The following TENM1 variants were observed in gnomAD, a reference collection of about 807,000 sequenced individuals.
The protein encoded by TENM1 is teneurin transmembrane protein 1, also known as teneurin-1.
TENM1 carries 35 observed loss-of-function variants against 174.8 expected under a neutral mutation model. The ratio of observed to expected loss-of-function variants is 0.20; its 90% CI spans 0.15 to 0.27. The LOEUF (loss-of-function observed/expected upper bound fraction) is 0.27, where lower values mean the gene tolerates loss of function less well. Ranked by LOEUF, TENM1 falls within the 10% of genes least tolerant of loss-of-function variation. The pLI, the probability that TENM1 is intolerant of heterozygous loss-of-function variation, is 1.00. For synonymous variants in TENM1, 781 were observed against 798.7 expected (o/e 0.98, Z 0.37); for missense variants, 1,633 against 2,130.1 (o/e 0.77, Z 4.59).
chrX:124,607,766 G>C (rs2050193913), intron 11 of TENM1, among the ~76,000 whole-genome samples: 1 of 111,074 alleles, frequency 9.0e-6, no homozygotes, highest in Non-Finnish European at 1.9e-5. Context: ...ATAGACTCTA[G>C]GGGGAAAAGA....
the TENM1 span, among the ~76,000 whole-genome samples, chrX:124,988,574 C>A: frequency 2.7e-5 from 3 of 110,884 alleles, no homozygotes; most frequent in South Asian, 7.5e-4. Flanking sequence ...ACCCTGATAC[C>A]CAAATTTAAC....
intron 3 of TENM1, among the ~76,000 whole-genome samples, chrX:124,856,121 G>A (rs184050803): frequency 2.7e-5 from 3 of 110,422 alleles, no homozygotes; most frequent in Non-Finnish European, 3.8e-5. Context: ...TTTCAATTCC[G>A]ACTGCCAATT....
chrX:124,719,080 T>C (rs1174496499), intron 4 of TENM1, among the ~76,000 whole-genome samples: 1 of 111,463 alleles, frequency 9.0e-6, no homozygotes, highest in Non-Finnish European at 1.9e-5. Context: ...TTGTCTAAAC[T>C]CTTCATCCAA....
chrX:124,662,033 C>G (rs934732394), intron 6 of TENM1, among the ~76,000 whole-genome samples: 7 of 111,059 alleles, frequency 6.3e-5, no homozygotes, highest in African/African-American at 2.3e-4. Flanking sequence ...ATTTGATGTC[C>G]CAGTTTATCT....
At chrX:124,403,377 G>T (rs746480576) in intron 27 of TENM1, among the ~76,000 whole-genome samples, 1 of 109,326 alleles carries the variant, frequency 9.1e-6, no homozygotes, top group African/African-American at 3.3e-5. Flanking sequence ...AAAAGTAGCC[G>T]GGTGTGGTGG....
chrX:124,601,481 G>A (rs951126266), intron 11 of TENM1, among the ~76,000 whole-genome samples: 1 of 111,274 alleles, frequency 9.0e-6, no homozygotes, highest in Admixed American at 9.6e-5. Context: ...GAGTTCTCAT[G>A]TGATGGTTAT....
chrX:124,843,464 G>A (rs935018726), intron 3 of TENM1, among the ~76,000 whole-genome samples: 2 of 110,549 alleles, frequency 1.8e-5, no homozygotes, highest in Non-Finnish European at 3.8e-5. Context: ...AACTACAGCT[G>A]ATTCCCGTTG....
At chrX:125,073,725 G>A in the TENM1 span, among the ~76,000 whole-genome samples, 1 of 110,937 alleles carries the variant, frequency 9.0e-6, no homozygotes, top group Non-Finnish European at 1.9e-5. Flanking sequence ...GTCTGCCAAG[G>A]TTCCTGTCCA....
chrX:124,721,296 A>T (rs764616004), intron 4 of TENM1, among the ~76,000 whole-genome samples: 1 of 111,647 alleles, frequency 9.0e-6, no homozygotes, highest in African/African-American at 3.3e-5. Flanking sequence ...TACCTAGAAC[A>T]CTTTACAATA....
At chrX:124,463,494 C>T (rs767003718) in intron 22 of TENM1, among the ~76,000 whole-genome samples, 1 of 111,502 alleles carries the variant, frequency 9.0e-6, no homozygotes, top group Non-Finnish European at 1.9e-5. Context: ...TTAGGCTTTT[C>T]TGTGTTCTGT....
the TENM1 span, among the ~76,000 whole-genome samples, chrX:125,029,800 T>C: frequency 9.0e-6 from 1 of 111,350 alleles, no homozygotes; most frequent in South Asian, 3.8e-4. Flanking sequence ...CTATGGCCTA[T>C]GCAAAAAGCC....
chrX:125,160,099 C>T, the TENM1 span, among the ~76,000 whole-genome samples: 2 of 107,693 alleles, frequency 1.9e-5, no homozygotes, highest in South Asian at 8.3e-4. Flanking sequence ...ACTCGGGAGG[C>T]TGAGGCAGGA....
At chrX:124,829,283 G>C (rs754075433) in intron 3 of TENM1, among the ~76,000 whole-genome samples, 2 of 112,105 alleles carry the variant, frequency 1.8e-5, no homozygotes, top group East Asian at 5.6e-4. Flanking sequence ...ATGGTTTTCT[G>C]CAAGATGTAT....
In TENM1 at chrX:124,747,186, TA is replaced by T. The variant is rs758643714; in HGVS notation, c.536-9990del. Among the ~76,000 whole-genome samples the T allele has an allele frequency of 3.6e-3, 381 of 105,814 alleles. 2 individuals carry two copies. Among genetic ancestry groups the T allele is most frequent in the Non-Finnish European group, 5.9e-3 (303 of 51,635 alleles). 91.9% of individuals were successfully genotyped at this position (105,814 alleles called of 115,157 possible). On this transcript the variant is annotated intron_variant, in intron 3 of 31. Transcript: ENST00000422452. ...AAATAAATAAATAAATAAATAAAATTAAAAAAAATAAAAACGCAAATTAGTG... is the reference window on the plus strand; with the variant it reads ...AAATAAATAAATAAATAAATAAAATTAAAAAAATAAAAACGCAAATTAGTG...
At chrX:124,695,194 A>G (rs912234643) in intron 5 of TENM1, among the ~76,000 whole-genome samples, 1 of 111,048 alleles carries the variant, frequency 9.0e-6, no homozygotes, top group Admixed American at 9.6e-5. Context: ...TCATGGTCCT[A>G]TTTAGCCCCA....
intron 1 of TENM1, among the ~76,000 whole-genome samples, chrX:124,963,265 G>A (rs770267260): frequency 8.9e-6 from 1 of 112,198 alleles, no homozygotes; most frequent in South Asian, 3.7e-4. Context: ...TTATCCTTCA[G>A]TCTATAAATG....
At chrX:125,071,213 C>G in the TENM1 span, among the ~76,000 whole-genome samples, 1 of 111,826 alleles carries the variant, frequency 8.9e-6, no homozygotes, top group Non-Finnish European at 1.9e-5. Context: ...ATTTTATGTA[C>G]AGTAAAACCT....
chrX:124,468,344 T>A (rs1208024081), intron 22 of TENM1, among the ~76,000 whole-genome samples: 1 of 108,751 alleles, frequency 9.2e-6, no homozygotes, highest in African/African-American at 3.4e-5. Context: ...CCTGGCTAAT[T>A]CCTTTTTATT....
intron 18 of TENM1, among the ~76,000 whole-genome samples, chrX:124,513,668 C>T (rs1279933637): frequency 8.9e-6 from 1 of 112,110 alleles, no homozygotes; most frequent in Non-Finnish European, 1.9e-5. Flanking sequence ...TACAAAATAT[C>T]ACCAGGAGTA....
Sources: allele counts gnomAD v4.1 joint callset (sites outside exome capture counted in the v4.1 genomes callset), GRCh38; gene constraint gnomAD v4.1.1; transcripts MANE v1.5; gene names NCBI Gene and HGNC (gene_info 2026-07-23, HGNC 2026-07-21).